Variants in GPD1 observed in about 807,000 individuals in gnomAD.
GPD1 encodes glycerol-3-phosphate dehydrogenase 1, also known as glycerol-3-phosphate dehydrogenase [NAD(+)], cytoplasmic.
GPD1 carries 19 observed loss-of-function variants against 34.4 expected under a neutral mutation model. The ratio of observed to expected loss-of-function variants is 0.55; its 90% CI spans 0.39 to 0.81. The LOEUF (loss-of-function observed/expected upper bound fraction) is 0.81, where lower values mean the gene tolerates loss of function less well. Ranked by LOEUF, GPD1 falls within the 30% of genes least tolerant of loss-of-function variation. The pLI is 0.00. For synonymous variants in GPD1, 172 were observed against 174.1 expected (o/e 0.99, Z 0.09); for missense variants, 429 against 447.0 (o/e 0.96, Z 0.36).
chr12:50,105,061 A>T, intron 2 of GPD1: 1 of 377,502 alleles, frequency 2.6e-6, no homozygotes, highest in Non-Finnish European at 4.8e-6. Context: ...CCTGTTACTC[A>T]TTCACTGAGT....
intron 2 of GPD1, 141 bp downstream of exon 2, chr12:50,104,892 T>G: frequency 1.6e-6 from 1 of 616,654 alleles, no homozygotes; most frequent in Non-Finnish European, 2.8e-6. Context: ...AGGGCTGCTC[T>G]GGGCCCTTTC....
intron 6 of GPD1, 51 bp from the exon 7 acceptor site, chr12:50,107,973 C>G (rs1950994668): frequency 1.6e-6 from 2 of 1,247,624 alleles, no homozygotes; most frequent in African/African-American, 2.9e-5. Context: ...CCACCCCCTA[C>G]TGACAACCCT....
chr12:50,106,178 T>C, intron 3 of GPD1, 110 bp from the exon 4 acceptor site: 4 of 998,458 alleles, frequency 4.0e-6, no homozygotes, highest in Non-Finnish European at 5.8e-6. Flanking sequence ...GGGCAGGACC[T>C]GTCGGGAGGG....
Position 50,106,462 on chromosome 12 carries a change from C to G in GPD1, c.499+36C>G, listed in dbSNP as rs755485045. Reference sequence around the variant, plus strand: ...CCTGGCACCTGCATACACAGTGCATCTAGTTGCATCCCCTCCCCAAACTGC... The same window carrying G: ...CCTGGCACCTGCATACACAGTGCATGTAGTTGCATCCCCTCCCCAAACTGC... On this transcript the variant is annotated intron_variant, in intron 4 of 7. Transcript: ENST00000301149. 1.0e-5 allele frequency: 16 copies of G among 1,586,990 alleles called. No homozygotes were observed. In the African/African-American group the frequency reaches 2.0e-4, roughly 20 times the overall value.
At chr12:50,106,662 C>T in intron 4 of GPD1, 143 bp from the exon 5 acceptor site, 1 of 657,588 alleles carries the variant, frequency 1.5e-6, no homozygotes. Context: ...GTCCCAGCTA[C>T]TTAAGAGGCT....
chr12:50,107,503 G>C (rs1426023457), intron 5 of GPD1, 64 bp from the exon 6 acceptor site: 2 of 1,193,370 alleles, frequency 1.7e-6, no homozygotes, highest in Non-Finnish European at 2.5e-6. Context: ...ATGAGTATGA[G>C]GGGGCTCCAC....
intron 1 of GPD1, 149 bp downstream of exon 1, chr12:50,104,240 C>T (rs774834390): frequency 1.5e-5 from 12 of 804,932 alleles, no homozygotes; most frequent in Middle Eastern, 2.5e-4. Context: ...AGACGGTGCC[C>T]GGCCCTCTCC....
chr12:50,107,741 A>C lies in GPD1; in HGVS notation c.787A>C (p.Thr263Pro), dbSNP rs1176541168. ...LESCGVADLI[T>P]TCYGGRNRKV... Reference sequence around the variant, plus strand: ...GAGCTGTGGTGTTGCTGACCTGATCACTACCTGCTATGGAGGGCGGAACCG... The same window carrying C: ...GAGCTGTGGTGTTGCTGACCTGATCCCTACCTGCTATGGAGGGCGGAACCG... Residue 263 changes from threonine to proline, a missense_variant, in exon 6 of 8, where the codon ACT becomes CCT. By Grantham distance (38) the Thr-to-Pro change is conservative. Transcript: ENST00000301149. 6.2e-7 allele frequency: 1 copy of C among 1,614,102 alleles called. No homozygotes were observed. Among genetic ancestry groups the C allele is most frequent in the Non-Finnish European group, 8.5e-7 (1 of 1,180,002 alleles).
chr12:50,107,482 CG>C (rs1565747721), intron 5 of GPD1, 84 bp from the exon 6 acceptor site: 1 of 1,028,290 alleles, frequency 9.7e-7, no homozygotes, highest in South Asian at 1.3e-5. Flanking sequence ...GTGGGTGTCA[CG>C]GCTGATGAAA....
At chr12:50,106,070 G>A (rs920670951) in intron 3 of GPD1, 40 of 613,986 alleles carry the variant, frequency 6.5e-5, no homozygotes, top group African/African-American at 1.7e-4. Flanking sequence ...GAGGGGACCC[G>A]TTGCCTTGGA....
rs369925058 is a variant in GPD1, at chr12:50,110,465, C to G, written c.*946C>G. 1.3e-5 allele frequency: 2 copies of G among 153,122 alleles called. No homozygotes were observed. The highest frequency in any genetic ancestry group is 4.8e-5 in the African/African-American group (2 of 41,584). The allele number at this position is 153,122 out of a possible 1,614,324, so 9.5% of individuals were successfully genotyped here. A position where few individuals can be genotyped will look rare whatever the true frequency, so the allele number is the denominator to read the frequency against. ...AGGTGTCAGCTGGGCCCCTCCTGTG[C>G]TATCTCCCCAGAGGACATCCCTGAC... On this transcript the variant is annotated 3_prime_UTR_variant, in exon 8 of 8. Transcript: ENST00000301149.
At chr12:50,106,204 G>A (rs1950976799) in intron 3 of GPD1, 84 bp from the exon 4 acceptor site, 1 of 1,257,958 alleles carries the variant, frequency 7.9e-7, no homozygotes, top group Admixed American at 2.8e-5. Context: ...GATGAGCAAT[G>A]GATTTGGAAG....
chr12:50,108,281 A>C (rs112371855), intron 7 of GPD1, 151 bp downstream of exon 7: 25 of 628,506 alleles, frequency 4.0e-5, no homozygotes, highest in African/African-American at 3.1e-4. Flanking sequence ...GAGCTTGCAG[A>C]GTCTGGCATG....
rs760086348 is a variant in GPD1 at position 50,105,580 on chromosome 12, G to C, written c.252G>C (p.Glu84Asp). 4 of 1,614,024 alleles carry C rather than the reference G, an allele frequency of 2.5e-6. No individual in the cohort carries two copies. In the African/African-American group the frequency reaches 4.0e-5, roughly 16 times the overall value. ...VAVPDVVQAA[E>D]DADILIFVVP... ...TCCCAGATGTGGTCCAGGCTGCAGAGGATGCTGACATCCTGATCTTTGTGG... is the reference window on the plus strand; with the variant it reads ...TCCCAGATGTGGTCCAGGCTGCAGACGATGCTGACATCCTGATCTTTGTGG... Residue 84 changes from glutamate (E) to aspartate (D), a missense_variant, in exon 3 of 8, where the codon GAG (glutamate) becomes GAC (aspartate). Physicochemically the swap from Glu to Asp is conservative, Grantham distance 45 (BLOSUM62 2). Coordinates refer to ENST00000301149, the MANE Select transcript of GPD1 (RefSeq NM_005276.4).
chr12:50,109,782 T>C lies in GPD1; in HGVS notation c.*263T>C. On this transcript the variant is annotated 3_prime_UTR_variant, in exon 8 of 8. Transcript: ENST00000301149. ...GATGTGGGGCTTTCTCCATATCCTC[T>C]GGGAGGGGTGGAATCAAGCCCCAGT... 1 of 440,222 alleles carries C rather than the reference T, an allele frequency of 2.3e-6. No individual in the cohort carries two copies. The highest frequency in any genetic ancestry group is 4.2e-6 in the Non-Finnish European group (1 of 237,520). The allele number at this position is 440,222 out of a possible 1,614,324, so 27.3% of individuals were successfully genotyped here.
intron 7 of GPD1, among the ~76,000 whole-genome samples, 154 bp from the exon 8 acceptor site, chr12:50,109,269 A>C (rs1951005080): frequency 6.6e-6 from 1 of 151,822 alleles, no homozygotes; most frequent in Non-Finnish European, 1.5e-5. Context: ...AGGGCTAGGG[A>C]GTTCACATTC....
At chr12:50,109,186 C>A (rs1951004354) in intron 7 of GPD1, among the ~76,000 whole-genome samples, 1 of 149,090 alleles carries the variant, frequency 6.7e-6, no homozygotes, top group African/African-American at 2.5e-5. Flanking sequence ...CACAGAAAAT[C>A]CAAGCCAGAG....
intron 5 of GPD1, 49 bp downstream of exon 5, chr12:50,106,966 G>C (rs971503506): frequency 4.3e-6 from 5 of 1,160,164 alleles, no homozygotes; most frequent in Non-Finnish European, 6.5e-6. Context: ...GGCCCCAAAG[G>C]AGGTCTGGCT....
chr12:50,107,722 T>G lies in GPD1; in HGVS notation c.768T>G (p.Cys256Trp), dbSNP rs1222505946. 9.3e-6 allele frequency: 15 copies of G among 1,613,912 alleles called. No individual in the cohort carries two copies. The highest frequency in any genetic ancestry group is 1.3e-5 in the Non-Finnish European group (15 of 1,179,978). ...CCTCTGCCACCTTCTTGGAGAGCTG[T>G]GGTGTTGCTGACCTGATCACTACCT... ...PVSSATFLES[C>W]GVADLITTCY... Residue 256 changes from cysteine to tryptophan, a missense_variant, in exon 6 of 8, where the codon TGT (cysteine) becomes TGG (tryptophan). Cys to Trp is a radical substitution (Grantham distance 215). Coordinates refer to ENST00000301149, the MANE Select transcript of GPD1 (RefSeq NM_005276.4).
Sources: allele counts gnomAD v4.1 joint callset (sites outside exome capture counted in the v4.1 genomes callset), GRCh38; gene constraint gnomAD v4.1.1; transcripts MANE v1.5; gene names NCBI Gene and HGNC (gene_info 2026-07-23, HGNC 2026-07-21).